DPP10: variants seen among roughly 807,000 people sequenced by gnomAD.
DPP10 encodes the protein dipeptidyl peptidase like 10.
Under a neutral mutation model 120.9 loss-of-function variants are expected in DPP10, and 33 were observed. That is an observed-to-expected ratio of 0.27 (90% CI 0.21 to 0.37). The LOEUF (loss-of-function observed/expected upper bound fraction) is 0.37. Ranked by LOEUF, DPP10 falls within the 10% of genes least tolerant of loss-of-function variation. DPP10 has a pLI of 1.00. For missense variants in DPP10, 816 were observed against 942.8 expected, an observed-to-expected ratio of 0.87 and a Z score of 1.76; for synonymous variants, 337 against 326.1, an observed-to-expected ratio of 1.03 and a Z score of -0.36.
At position 115,180,294 on chromosome 2, in the gene DPP10, G is replaced by C. The variant is rs187836081; in HGVS notation, c.61-128945G>C. 7.3e-3 allele frequency among the ~76,000 whole-genome samples: 1,104 copies of C among 152,164 alleles called. 4 individuals carry two copies. Among genetic ancestry groups the C allele is most frequent in the Middle Eastern group, 0.017 (5 of 294 alleles). On this transcript the variant is annotated intron_variant, in intron 1 of 25. Coordinates refer to ENST00000410059, the MANE Select transcript of DPP10 (RefSeq NM_020868.6). ...TTATTAAGTAACCCAGACAGAAAAGGTACATGAAATGTTACCAGGCAGATT... is the reference window on the plus strand; with the variant it reads ...TTATTAAGTAACCCAGACAGAAAAGCTACATGAAATGTTACCAGGCAGATT...
chr2:114,665,121 A>G (rs1300382320), intron 1 of DPP10, among the ~76,000 whole-genome samples: 1 of 152,240 alleles, frequency 6.6e-6, no homozygotes, highest in Non-Finnish European at 1.5e-5. Flanking sequence ...CTTATATTAC[A>G]ACATAGTGGT....
intron 19 of DPP10, among the ~76,000 whole-genome samples, chr2:115,803,375 C>T (rs1225764394): frequency 6.6e-6 from 1 of 152,232 alleles, no homozygotes; most frequent in East Asian, 1.9e-4. Context: ...TGGTTCTTGA[C>T]TCTTTATCCA....
intron 1 of DPP10, among the ~76,000 whole-genome samples, chr2:114,514,088 G>A (rs1684394495): frequency 6.6e-6 from 1 of 152,134 alleles, no homozygotes; most frequent in African/African-American, 2.4e-5. Context: ...GAGTTTTCTA[G>A]AAAACCTCAA....
At chr2:115,794,923 C>T (rs187400826) in intron 19 of DPP10, among the ~76,000 whole-genome samples, 39 of 152,096 alleles carry the variant, frequency 2.6e-4, no homozygotes, top group African/African-American at 8.7e-4. Context: ...TATGAGAAGC[C>T]GTGTTAATGG....
At position 114,880,321 on chromosome 2, in the gene DPP10, G is replaced by A. The variant is rs551877421; in HGVS notation, c.61-428918G>A. On this transcript the variant is annotated intron_variant, in intron 1 of 25. Transcript: ENST00000410059. ...CAAATTTGGCAACGCTACAGTGACA[G>A]TAATCACATTTTTATTCTATTTTCA... is the stretch of plus-strand genomic sequence containing the variant. Among the ~76,000 whole-genome samples, 15 of 152,274 alleles carry A rather than the reference G, an allele frequency of 9.9e-5. No homozygotes were observed. The South Asian group carries it at 3.1e-3, about 32-fold the overall frequency.
chr2:115,740,032 G>T (rs771959787), intron 9 of DPP10, 139 bp downstream of exon 9: 7 of 883,422 alleles, frequency 7.9e-6, no homozygotes, highest in Non-Finnish European at 1.2e-5. Flanking sequence ...CATCACTTTC[G>T]ATCTCCCAGT....
chr2:115,031,124 T>C (rs1251972062), intron 1 of DPP10, among the ~76,000 whole-genome samples: 2 of 151,496 alleles, frequency 1.3e-5, no homozygotes, highest in Admixed American at 6.6e-5. Flanking sequence ...AGGCTTATTA[T>C]ATACTCAAAA....
rs536533959 is a variant in DPP10, at chr2:115,792,135, G to A, written c.1700+779G>A. Among the ~76,000 whole-genome samples, 3 of 152,134 alleles carry A rather than the reference G, an allele frequency of 2.0e-5. No homozygotes were observed. The South Asian group carries it at 6.2e-4, about 32-fold the overall frequency. ...GATAAGTATTCAGTCTGTGGAATCG[G>A]ATTTCCTGGGTTCATATTCTAGTTT... On this transcript the variant is annotated intron_variant, in intron 19 of 25. Coordinates refer to ENST00000410059, the MANE Select transcript of DPP10 (RefSeq NM_020868.6).
intron 1 of DPP10, among the ~76,000 whole-genome samples, chr2:114,671,351 T>A (rs888450910): frequency 4.1e-4 from 62 of 152,086 alleles, no homozygotes; most frequent in Admixed American, 2.7e-3. Context: ...ACCTAGGAGA[T>A]ATAGTTTGGA....
chr2:115,816,487 C>T (rs1290626496), intron 21 of DPP10, among the ~76,000 whole-genome samples: 1 of 152,178 alleles, frequency 6.6e-6, no homozygotes, highest in Non-Finnish European at 1.5e-5. Flanking sequence ...ATAATTACGT[C>T]ATCTGTGCTC....
intron 1 of DPP10, among the ~76,000 whole-genome samples, chr2:115,286,540 T>TATATATATATATAA (rs1559367032): frequency 3.6e-4 from 39 of 107,334 alleles, no homozygotes; most frequent in Non-Finnish European, 6.6e-4. Flanking sequence ...TATATATATA[T>TATATATATATATAA]AAAATATATA....
At chr2:115,357,307 G>T (rs1302682177) in intron 3 of DPP10, among the ~76,000 whole-genome samples, 2 of 152,204 alleles carry the variant, frequency 1.3e-5, no homozygotes, top group Non-Finnish European at 2.9e-5. Context: ...GGAGGTACAG[G>T]CATTGGTTAA....
intron 1 of DPP10, among the ~76,000 whole-genome samples, chr2:114,695,255 A>G (rs1208138420): frequency 6.6e-6 from 1 of 152,050 alleles, no homozygotes; most frequent in African/African-American, 2.4e-5. Context: ...TAGAATCTAT[A>G]GGACTTGATG....
intron 1 of DPP10, among the ~76,000 whole-genome samples, chr2:114,958,842 T>C (rs1280452765): frequency 6.6e-6 from 1 of 152,146 alleles, no homozygotes; most frequent in Non-Finnish European, 1.5e-5. Context: ...ATTTTTCTGT[T>C]TTACAAATTT....
At position 115,666,210 on chromosome 2, in the gene DPP10, AT is replaced by A; in HGVS notation, c.442-23476del. 2.0e-5 allele frequency among the ~76,000 whole-genome samples: 3 copies of A among 152,316 alleles called. No individual in the cohort carries two copies. In the South Asian group the frequency reaches 6.2e-4, roughly 32 times the overall value. On this transcript the variant is annotated intron_variant, in intron 5 of 25. Coordinates refer to ENST00000410059, the MANE Select transcript of DPP10 (RefSeq NM_020868.6). ...GTCCATTTTCATGCTGCTATGAAGC[AT>A]ATCTGAGACTGGGTAACTTATAAAG... is the stretch of plus-strand genomic sequence containing the variant.
intron 10 of DPP10, among the ~76,000 whole-genome samples, chr2:115,748,629 T>C (rs894053615): frequency 2.6e-5 from 4 of 152,126 alleles, no homozygotes; most frequent in African/African-American, 9.7e-5. Context: ...TTTTGGTCTG[T>C]CTGATTGCTT....
Position 114,763,771 on chromosome 2 carries a change from G to C in DPP10, c.60+320933G>C, listed in dbSNP as rs926481597. 2.3e-4 allele frequency among the ~76,000 whole-genome samples: 35 copies of C among 152,266 alleles called. 1 individual carries two copies. The Middle Eastern group carries it at 0.01, about 44-fold the overall frequency. On this transcript the variant is annotated intron_variant, in intron 1 of 25. Coordinates refer to ENST00000410059, the MANE Select transcript of DPP10 (RefSeq NM_020868.6). The stretch of plus-strand genomic sequence containing the variant: ...TCAGCAACAGATCCATGAGAATTTG[G>C]CATATGTGGCCTCTAGCTTTACATA...
chr2:115,400,935 A>G (rs1489943781), intron 3 of DPP10, among the ~76,000 whole-genome samples: 1 of 152,174 alleles, frequency 6.6e-6, no homozygotes, highest in African/African-American at 2.4e-5. Flanking sequence ...GTGAAAACCT[A>G]TGGCTTTGCC....
At chr2:115,325,062 C>A (rs1181486705) in intron 2 of DPP10, among the ~76,000 whole-genome samples, 2 of 151,564 alleles carry the variant, frequency 1.3e-5, no homozygotes, top group African/African-American at 4.9e-5. Flanking sequence ...CACAGATCAC[C>A]GTAACAGATA....
Sources: gnomAD v4.1 joint callset for allele counts (sites outside exome capture counted in the v4.1 genomes callset) on GRCh38, gnomAD v4.1.1 for gene constraint, MANE v1.5 for transcripts, NCBI Gene and HGNC (gene_info 2026-07-23, HGNC 2026-07-21) for gene names.